The following DTD1 variants were observed in gnomAD, a reference collection of about 807,000 sequenced individuals.
DTD1 encodes D-aminoacyl-tRNA deacylase 1, also known as D-tyrosyl-tRNA deacylase 1 homolog.
In DTD1, 13 loss-of-function variants were observed where a neutral mutation model predicts 25.6. The observed-to-expected ratio is 0.51, with a 90% CI of 0.33 to 0.81. The LOEUF (loss-of-function observed/expected upper bound fraction) is 0.81. Among genes scored for constraint, DTD1 ranks in the 30% least tolerant of loss-of-function variants. The pLI is 0.02. For missense variants in DTD1, 193 were observed against 266.4 expected, an observed-to-expected ratio of 0.72 and a Z score of 1.92; for synonymous variants, 110 against 103.6, an observed-to-expected ratio of 1.06 and a Z score of -0.37.
At chr20:18,632,482 G>A in intron 4 of DTD1, 3 of 985,434 alleles carry the variant, frequency 3.0e-6, no homozygotes, top group Non-Finnish European at 3.6e-6. Context: ...TGAATTAGAA[G>A]GAGTTTCCTC....
chr20:18,645,729 A>G (rs2060847685), intron 4 of DTD1, among the ~76,000 whole-genome samples: 1 of 152,208 alleles, frequency 6.6e-6, no homozygotes, highest in Admixed American at 6.5e-5. Context: ...GGGTAAGGAT[A>G]AAAGGTCTGT....
intron 4 of DTD1, among the ~76,000 whole-genome samples, chr20:18,741,767 G>A (rs6081346): frequency 6.6e-6 from 1 of 151,794 alleles, no homozygotes; most frequent in African/African-American, 2.4e-5. Context: ...CTGTCACCCA[G>A]GCTGGAGTGC....
At chr20:18,596,966 G>T (rs6045493) in intron 3 of DTD1, among the ~76,000 whole-genome samples, 77,584 of 151,938 alleles carry the variant, frequency 0.51, 20,175 homozygotes, top group Middle Eastern at 0.56. Context: ...GTCTCCTGTT[G>T]GCACTAGGGT....
chr20:18,717,070 CTTTG>C (rs760285290), intron 4 of DTD1, among the ~76,000 whole-genome samples: 7 of 152,168 alleles, frequency 4.6e-5, no homozygotes, highest in Non-Finnish European at 8.8e-5. Context: ...ATTAGTGGCA[CTTTG>C]TTTGGGTCTC....
chr20:18,757,541 T>G (rs2061344196), intron 5 of DTD1, among the ~76,000 whole-genome samples: 1 of 152,272 alleles, frequency 6.6e-6, no homozygotes, highest in Non-Finnish European at 1.5e-5. Flanking sequence ...ATGTGGTTTT[T>G]GTCGTTGGTT....
intron 4 of DTD1, among the ~76,000 whole-genome samples, chr20:18,676,445 G>T (rs955775522): frequency 6.6e-6 from 1 of 152,134 alleles, no homozygotes; most frequent in Admixed American, 6.5e-5. Flanking sequence ...TAGGTCGGGG[G>T]TGGGTGGGGA....
chr20:18,668,882 A>T (rs2060941769), intron 4 of DTD1, among the ~76,000 whole-genome samples: 1 of 152,172 alleles, frequency 6.6e-6, no homozygotes, highest in Admixed American at 6.5e-5. Context: ...ATGCTATAGA[A>T]TTGGACATTT....
At chr20:18,731,972 T>A (rs547809934) in intron 4 of DTD1, among the ~76,000 whole-genome samples, 1 of 152,282 alleles carries the variant, frequency 6.6e-6, no homozygotes, top group South Asian at 2.1e-4. Flanking sequence ...CCTTATTAGC[T>A]CCCATGTGGG....
intron 3 of DTD1, among the ~76,000 whole-genome samples, chr20:18,623,718 G>A (rs1039097876): frequency 6.6e-6 from 1 of 152,046 alleles, no homozygotes; most frequent in Non-Finnish European, 1.5e-5. Flanking sequence ...GGCCTCCTGC[G>A]TCCAGCCGGG....
intron 4 of DTD1, among the ~76,000 whole-genome samples, chr20:18,669,446 G>A (rs1202443725): frequency 6.6e-6 from 1 of 152,164 alleles, no homozygotes; most frequent in African/African-American, 2.4e-5. Context: ...TTCCTCGGCT[G>A]AGCTCCTCTT....
At chr20:18,693,480 A>C (rs2061056682) in intron 4 of DTD1, among the ~76,000 whole-genome samples, 2 of 151,708 alleles carry the variant, frequency 1.3e-5, no homozygotes, top group Admixed American at 1.3e-4. Flanking sequence ...AACGTGGCAA[A>C]ACCCCATCTC....
intron 4 of DTD1, among the ~76,000 whole-genome samples, chr20:18,671,999 C>G (rs1476983231): frequency 6.6e-6 from 1 of 152,058 alleles, no homozygotes. Flanking sequence ...TTTGGGAGGC[C>G]GAGGTGGGAG....
chr20:18,737,713 C>T (rs1179036554), intron 4 of DTD1, among the ~76,000 whole-genome samples: 4 of 152,214 alleles, frequency 2.6e-5, no homozygotes, highest in Admixed American at 2.6e-4. Context: ...CTTAGCCAGC[C>T]CTATTACTGG....
At chr20:18,724,080 T>G (rs2061215043) in intron 4 of DTD1, among the ~76,000 whole-genome samples, 1 of 152,180 alleles carries the variant, frequency 6.6e-6, no homozygotes, top group Admixed American at 6.5e-5. Context: ...TTTTAAGACT[T>G]TCCTGGAAGC....
At chr20:18,724,798 G>A (rs1163763661) in intron 4 of DTD1, among the ~76,000 whole-genome samples, 2 of 152,172 alleles carry the variant, frequency 1.3e-5, no homozygotes, top group African/African-American at 4.8e-5. Context: ...CAAATAAATG[G>A]GGATCTATTT....
chr20:18,685,400 A>G (rs2061012539), intron 4 of DTD1, among the ~76,000 whole-genome samples: 1 of 152,216 alleles, frequency 6.6e-6, no homozygotes, highest in African/African-American at 2.4e-5. Flanking sequence ...TTGGCTGCAC[A>G]TGACGGGTGT....
intron 4 of DTD1, among the ~76,000 whole-genome samples, chr20:18,686,368 A>G (rs1159225341): frequency 1.3e-5 from 2 of 152,240 alleles, no homozygotes; most frequent in Non-Finnish European, 2.9e-5. Context: ...ATTTTTGCAT[A>G]TATACCTTTG....
At chr20:18,728,890 CTCCCAGGAGTGACAAT>C (rs1776716768) in intron 4 of DTD1, among the ~76,000 whole-genome samples, 1 of 152,242 alleles carries the variant, frequency 6.6e-6, no homozygotes, top group African/African-American at 2.4e-5. Flanking sequence ...AGCACACTTC[CTCCCAGGAGTGACAAT>C]TCCTGACAGC....
rs571338618 is a variant in DTD1, at chr20:18,740,114, C to T, written c.478-3986C>T. Among the ~76,000 whole-genome samples the T allele has an allele frequency of 2.1e-4, 32 of 152,056 alleles. 2 individuals carry two copies. Among genetic ancestry groups the T allele is most frequent in the South Asian group, 4.2e-4 (2 of 4,810 alleles). ...CTCAGCACAGAGTCGAATGACACTACGAGGAGCTGAGAAGCCTCCAGAGGG... is the reference window on the plus strand; with the variant it reads ...CTCAGCACAGAGTCGAATGACACTATGAGGAGCTGAGAAGCCTCCAGAGGG... On this transcript the variant is annotated intron_variant, in intron 4 of 5. Transcript: ENST00000377452.
Sources: gnomAD v4.1 joint callset for allele counts (sites outside exome capture counted in the v4.1 genomes callset) on GRCh38, gnomAD v4.1.1 for gene constraint, MANE v1.5 for transcripts, NCBI Gene and HGNC (gene_info 2026-07-23, HGNC 2026-07-21) for gene names.